STX1A: variants seen among roughly 807,000 people sequenced by gnomAD.
STX1A encodes the protein syntaxin 1A, also known as syntaxin-1A.
A neutral mutation model predicts 37.8 loss-of-function variants in STX1A; 4 were observed. The ratio of observed to expected loss-of-function variants is 0.11; its 90% confidence interval spans 0.05 to 0.24. The LOEUF is 0.24. STX1A is among the 10% of genes least tolerant of loss of function. The pLI is 1.00. For missense variants in STX1A, 251 were observed against 399.9 expected, an observed-to-expected ratio of 0.63 and a Z score of 3.18; for synonymous variants, 135 against 147.4, an observed-to-expected ratio of 0.92 and a Z score of 0.61.
chr7:73,703,964 C>T (rs1186140892), intron 6 of STX1A, 136 bp from the exon 7 acceptor site: 9 of 1,062,144 alleles, frequency 8.5e-6, no homozygotes, highest in Admixed American at 5.3e-5. Flanking sequence ...CCCCGCCCCC[C>T]CGGCCCTTAA....
chr7:73,714,297 G>A (rs189665194), intron 1 of STX1A, among the ~76,000 whole-genome samples: 3 of 151,954 alleles, frequency 2.0e-5, no homozygotes, highest in African/African-American at 4.8e-5. Flanking sequence ...TAGTAGAGAC[G>A]GGGTTTCACC....
At chr7:73,711,863 G>C (rs1249877008) in intron 1 of STX1A, among the ~76,000 whole-genome samples, 2 of 152,120 alleles carry the variant, frequency 1.3e-5, no homozygotes, top group Non-Finnish European at 2.9e-5. Context: ...GCACCTGTCT[G>C]GTGCCTCTCT....
In STX1A at chr7:73,700,319, G is replaced by A; in HGVS notation, c.*88C>T. On this transcript the variant is annotated 3_prime_UTR_variant, in exon 10 of 10. Transcript: ENST00000222812. This position sits in a 1 kb window ranked among gnomAD's most constrained non-coding sequence, Gnocchi z 4.4. Reference sequence around the variant, plus strand: ...GGAGGGTGCTCTGAGCCAGAGGCGGGGGTTGGGAGGGCAGCCCAGCCAGGT... The same window carrying A: ...GGAGGGTGCTCTGAGCCAGAGGCGGAGGTTGGGAGGGCAGCCCAGCCAGGT... 7.5e-7 allele frequency: 1 copy of A among 1,335,236 alleles called. No individual in the cohort carries two copies. Among genetic ancestry groups the A allele is most frequent in the Non-Finnish European group, 1.1e-6 (1 of 934,022 alleles). 82.7% of individuals were successfully genotyped at this position (1,335,236 alleles called of 1,614,324 possible). A position where few individuals can be genotyped will look rare whatever the true frequency, so the allele number is the denominator to read the frequency against.
chr7:73,704,315 C>G, intron 5 of STX1A, 35 bp downstream of exon 5: 1 of 1,613,954 alleles, frequency 6.2e-7, no homozygotes, highest in Non-Finnish European at 8.5e-7. Flanking sequence ...CCCAGAGACT[C>G]AGGTGCCCGC....
intron 6 of STX1A, 51 bp downstream of exon 6, chr7:73,704,097 C>A: frequency 6.5e-7 from 1 of 1,526,750 alleles, no homozygotes; most frequent in South Asian, 1.2e-5. Flanking sequence ...CAGACTCGGG[C>A]CCCGCCCCTC....
At chr7:73,703,044 A>C in intron 7 of STX1A, 62 bp from the exon 8 acceptor site, 14 of 223,538 alleles carry the variant, frequency 6.3e-5, no homozygotes, top group African/African-American at 1.9e-4. Context: ...CAGAGGGCCG[A>C]GGGGGAGGGC....
rs565037411 is a variant in STX1A, at chr7:73,717,656, C to T, written c.30+1946G>A. 6.6e-6 allele frequency among the ~76,000 whole-genome samples: 1 copy of T among 152,250 alleles called. No individual in the cohort carries two copies. The highest frequency in any genetic ancestry group is 2.1e-4 in the South Asian group (1 of 4,822). ...GGCCACCCAGCAATGGGTACAGCCT[C>T]CCTGGGCTCTGAATGCCTTGTGTGG... On this transcript the variant is annotated intron_variant, in intron 1 of 9. Transcript: ENST00000222812. The surrounding 1 kb of genome is among the most constrained non-coding windows in gnomAD (Gnocchi z 4.1).
chr7:73,708,375 G>A (rs1333345912), intron 3 of STX1A, among the ~76,000 whole-genome samples: 4 of 151,966 alleles, frequency 2.6e-5, no homozygotes, highest in South Asian at 2.1e-4. Context: ...TGGTCTGGCC[G>A]GCCTGGGATG....
intron 1 of STX1A, among the ~76,000 whole-genome samples, chr7:73,718,297 G>A (rs150726193): frequency 6.6e-6 from 1 of 152,300 alleles, no homozygotes; most frequent in Non-Finnish European, 1.5e-5. Flanking sequence ...GGAGGCCGTG[G>A]TGCCAGAGCA....
In STX1A at chr7:73,709,376, G is replaced by C. The variant is rs1202616963; in HGVS notation, c.31-254C>G. ...GGCCAAGTCTCAGCCTCTGGGCCAG[G>C]GACTTCCTCCCTCACCTATCTGCCT... On this transcript the variant is annotated intron_variant, in intron 1 of 9. Transcript: ENST00000222812. This position sits in a 1 kb window ranked among gnomAD's most constrained non-coding sequence, Gnocchi z 4.2. Among the ~76,000 whole-genome samples, 1 of 151,800 alleles carries C rather than the reference G, an allele frequency of 6.6e-6. No individual in the cohort carries two copies. The highest frequency in any genetic ancestry group is 2.4e-5 in the African/African-American group (1 of 41,116).
intron 4 of STX1A, 131 bp from the exon 5 acceptor site, chr7:73,704,554 T>C: frequency 8.7e-7 from 1 of 1,151,502 alleles, no homozygotes; most frequent in South Asian, 1.4e-5. Context: ...GTGGGATCAG[T>C]GCCAGGCACC....
At position 73,700,562 on chromosome 7, in the gene STX1A, C is replaced by T. The variant is rs1421815587; in HGVS notation, c.790-78G>A. 5.1e-6 allele frequency: 8 copies of T among 1,560,562 alleles called. No individual in the cohort carries two copies. In the African/African-American group the frequency reaches 8.2e-5, roughly 16 times the overall value. ...GTGGGACTATGGCAAAGGCTGAGGA[C>T]TGGACAGTCGGGGGGGATCCAAGCA... On this transcript the variant is annotated intron_variant, in intron 9 of 9. Transcript: ENST00000222812. The surrounding 1 kb of genome is among the most constrained non-coding windows in gnomAD (Gnocchi z 4.4).
At chr7:73,718,428 C>T (rs1454770374) in intron 1 of STX1A, among the ~76,000 whole-genome samples, 2 of 152,032 alleles carry the variant, frequency 1.3e-5, no homozygotes, top group East Asian at 3.9e-4. Flanking sequence ...GAAGACAAGC[C>T]GTGGGGTCAA....
chr7:73,701,654 C>A (rs774532256), intron 8 of STX1A, among the ~76,000 whole-genome samples: 1 of 152,198 alleles, frequency 6.6e-6, no homozygotes, highest in Non-Finnish European at 1.5e-5. Context: ...ACTCCTAGGG[C>A]GTGTCTCCCT....
intron 1 of STX1A, among the ~76,000 whole-genome samples, chr7:73,711,140 G>A (rs1488353821): frequency 6.6e-6 from 1 of 151,774 alleles, no homozygotes; most frequent in Admixed American, 6.6e-5. Context: ...AGATGCATCA[G>A]ATGCATGCCA....
intron 2 of STX1A, 23 bp from the exon 3 acceptor site, chr7:73,708,711 CAGG>C: frequency 1.2e-6 from 2 of 1,609,432 alleles, no homozygotes; most frequent in East Asian, 2.2e-5. Flanking sequence ...GCCAGGTGGT[CAGG>C]AGAAGGAAAT....
chr7:73,713,362 A>T (rs1554618207), intron 1 of STX1A, among the ~76,000 whole-genome samples: 1 of 152,132 alleles, frequency 6.6e-6, no homozygotes, highest in African/African-American at 2.4e-5. Context: ...TCTTGACCAA[A>T]ATGTAACTAG....
Position 73,702,422 on chromosome 7 carries a change from A to G in STX1A, c.678+423T>C. On this transcript the variant is annotated intron_variant, in intron 8 of 9. Transcript: ENST00000222812. This position sits in a 1 kb window ranked among gnomAD's most constrained non-coding sequence, Gnocchi z 4.7. ...ACAAGTCCTCCAGGTGACTCATTCA[A>G]GTTTGAGCCCCACTGGAGAACCTTC... The G allele has an allele frequency of 3.1e-6, 1 of 323,558 alleles. No individual in the cohort carries two copies. The highest frequency in any genetic ancestry group is 5.6e-6 in the Non-Finnish European group (1 of 178,132). The allele number at this position is 323,558 out of a possible 1,614,324, so 20.0% of individuals were successfully genotyped here. A position where few individuals can be genotyped will look rare whatever the true frequency, so the allele number is the denominator to read the frequency against.
At position 73,700,119 on chromosome 7, in the gene STX1A, T is replaced by C; in HGVS notation, c.*288A>G. The stretch of plus-strand genomic sequence containing the variant: ...ACTGAAGGCAAGGAAGGGTGGCCTG[T>C]GTCACCCTGGCGGCCCTGCCTGGGT... On this transcript the variant is annotated 3_prime_UTR_variant, in exon 10 of 10. Transcript: ENST00000222812. The surrounding 1 kb of genome is among the most constrained non-coding windows in gnomAD (Gnocchi z 4.4). 2.0e-6 allele frequency: 1 copy of C among 503,434 alleles called. No homozygotes were observed. Among genetic ancestry groups the C allele is most frequent in the Non-Finnish European group, 3.6e-6 (1 of 277,526 alleles). 31.2% of individuals were successfully genotyped at this position (503,434 alleles called of 1,614,324 possible).
Sources: allele counts gnomAD v4.1 joint callset (sites outside exome capture counted in the v4.1 genomes callset), GRCh38; gene constraint gnomAD v4.1.1; non-coding constraint Gnocchi (gnomAD v3.1); transcripts MANE v1.5; gene names NCBI Gene and HGNC (gene_info 2026-07-23, HGNC 2026-07-21).